Variants in DCC observed in about 807,000 individuals in gnomAD.
DCC encodes netrin receptor DCC.
DCC carries 58 observed loss-of-function variants against 172.5 expected under a neutral mutation model. The ratio of observed to expected loss-of-function variants is 0.34; its 90% CI spans 0.27 to 0.42. The LOEUF is 0.42. DCC is among the 10% of genes least tolerant of loss of function. The pLI is 1.00. For missense variants in DCC, 1,740 were observed against 1,791.0 expected, an observed-to-expected ratio of 0.97 and a Z score of 0.51; for synonymous variants, 709 against 644.5, an observed-to-expected ratio of 1.10 and a Z score of -1.52.
chr18:52,791,370 A>G (rs573064596), intron 2 of DCC, among the ~76,000 whole-genome samples: 5 of 152,218 alleles, frequency 3.3e-5, no homozygotes, highest in African/African-American at 1.2e-4. Context: ...ATCTAGAAAG[A>G]GAAGTGAGAA....
At chr18:52,532,841 G>A (rs1247392105) in intron 1 of DCC, among the ~76,000 whole-genome samples, 5 of 152,000 alleles carry the variant, frequency 3.3e-5, no homozygotes, top group Non-Finnish European at 5.9e-5. Flanking sequence ...CCATTCAGTG[G>A]TTTTTAGTAT....
chr18:53,294,380 T>C (rs1321252994), intron 12 of DCC, among the ~76,000 whole-genome samples: 1 of 152,182 alleles, frequency 6.6e-6, no homozygotes, highest in Non-Finnish European at 1.5e-5. Context: ...AAAAAGACAG[T>C]ATCCAGAGAA....
intron 5 of DCC, among the ~76,000 whole-genome samples, chr18:53,024,350 C>T (rs2041926219): frequency 6.6e-6 from 1 of 152,130 alleles, no homozygotes. Context: ...CAATTCTTCA[C>T]TAAGGACTTT....
rs531179387 is a variant in DCC at position 52,384,333 on chromosome 18, G to T, written c.91+43455G>T. Reference sequence around the variant, plus strand: ...GCAATCCTGGCATGCCTTTGCTAAAGCTCTTTGTGTGAATCATTTTGTTCC... The same window carrying T: ...GCAATCCTGGCATGCCTTTGCTAAATCTCTTTGTGTGAATCATTTTGTTCC... On this transcript the variant is annotated intron_variant, in intron 1 of 28. Coordinates refer to ENST00000442544, the MANE Select transcript of DCC (RefSeq NM_005215.4). 1.8e-4 allele frequency among the ~76,000 whole-genome samples: 28 copies of T among 152,220 alleles called. No homozygotes were observed. The South Asian group carries it at 5.0e-3, about 27-fold the overall frequency.
intron 1 of DCC, among the ~76,000 whole-genome samples, chr18:52,408,684 G>T (rs573164692): frequency 6.6e-6 from 1 of 151,978 alleles, no homozygotes; most frequent in Non-Finnish European, 1.5e-5. Context: ...GAAAACTCTG[G>T]ATTTATTAAG....
intron 1 of DCC, among the ~76,000 whole-genome samples, chr18:52,681,784 T>A (rs1011121100): frequency 6.6e-6 from 1 of 152,090 alleles, no homozygotes; most frequent in Non-Finnish European, 1.5e-5. Flanking sequence ...GCGCAGACAA[T>A]GTGAGGAGAC....
intron 1 of DCC, among the ~76,000 whole-genome samples, chr18:52,415,271 A>G (rs1242464737): frequency 6.6e-6 from 1 of 152,228 alleles, no homozygotes; most frequent in Non-Finnish European, 1.5e-5. Flanking sequence ...CAATTATAAT[A>G]CATGATGGAA....
At chr18:52,557,548 A>G (rs2032943708) in intron 1 of DCC, among the ~76,000 whole-genome samples, 1 of 152,244 alleles carries the variant, frequency 6.6e-6, no homozygotes, top group Non-Finnish European at 1.5e-5. Context: ...TTGATATACT[A>G]CTTTCAAAAT....
chr18:52,935,060 T>C (rs575195973), intron 5 of DCC, among the ~76,000 whole-genome samples: 1 of 152,164 alleles, frequency 6.6e-6, no homozygotes, highest in African/African-American at 2.4e-5. Context: ...ATAGAACAAC[T>C]GCTAAAAAGA....
At chr18:53,221,609 A>G (rs149199642) in intron 12 of DCC, among the ~76,000 whole-genome samples, 3 of 152,134 alleles carry the variant, frequency 2.0e-5, no homozygotes, top group African/African-American at 7.2e-5. Flanking sequence ...AGTTCTACCC[A>G]ATTACAGAAT....
intron 1 of DCC, among the ~76,000 whole-genome samples, chr18:52,484,750 C>G (rs943792300): frequency 6.7e-6 from 1 of 149,972 alleles, no homozygotes; most frequent in Non-Finnish European, 1.5e-5. Flanking sequence ...CACCATGGCA[C>G]AAGAATACCT....
rs150106295 is a variant in DCC at position 53,134,597 on chromosome 18, G to A, written c.1262-22759G>A. On this transcript the variant is annotated intron_variant, in intron 7 of 28. Coordinates refer to ENST00000442544, the MANE Select transcript of DCC (RefSeq NM_005215.4). The stretch of plus-strand genomic sequence containing the variant: ...TATGTACAAATATAGCTTTTACCTA[G>A]CCAGTTGGTAGGTCAAAACCCAATG... Among the ~76,000 whole-genome samples the A allele has an allele frequency of 7.0e-4, 106 of 152,220 alleles. 1 individual carries two copies. The highest frequency in any genetic ancestry group is 2.5e-3 in the African/African-American group (105 of 41,548).
chr18:52,624,812 C>T (rs1274784749), intron 1 of DCC, among the ~76,000 whole-genome samples: 1 of 152,122 alleles, frequency 6.6e-6, no homozygotes, highest in Non-Finnish European at 1.5e-5. Context: ...AGGCAAGACA[C>T]TCGTGGTTTA....
intron 1 of DCC, among the ~76,000 whole-genome samples, chr18:52,624,889 A>G (rs2034545144): frequency 6.6e-6 from 1 of 152,186 alleles, no homozygotes; most frequent in Non-Finnish European, 1.5e-5. Context: ...ATCGTAAGCC[A>G]TTCATAGAGT....
chr18:53,061,953 C>A (rs138998186), intron 5 of DCC, among the ~76,000 whole-genome samples: 3,086 of 152,206 alleles, frequency 0.02, 39 homozygotes, highest in Middle Eastern at 0.031. Context: ...CAGAATGGAA[C>A]TGTTTCCATA....
At chr18:52,863,773 C>T (rs903662732) in intron 2 of DCC, among the ~76,000 whole-genome samples, 1 of 151,932 alleles carries the variant, frequency 6.6e-6, no homozygotes, top group Non-Finnish European at 1.5e-5. Flanking sequence ...TAAGACAAAT[C>T]TAGCCATCAT....
At chr18:53,259,405 G>A (rs1215014423) in intron 12 of DCC, among the ~76,000 whole-genome samples, 1 of 152,158 alleles carries the variant, frequency 6.6e-6, no homozygotes, top group Non-Finnish European at 1.5e-5. Flanking sequence ...GGGCAGGCCT[G>A]GTAGTGACAA....
Position 53,305,641 on chromosome 18 carries a change from A to G in DCC, c.1975A>G (p.Lys659Glu), listed in dbSNP as rs1233183591. The G allele has an allele frequency of 1.2e-6, 2 of 1,613,772 alleles. No homozygotes were observed. The highest frequency in any genetic ancestry group is 2.7e-5 in the African/African-American group (2 of 74,924). ...GTQNGFITGYKIRHRKTTRRG... is the reference protein window; with the variant it reads ...GTQNGFITGYEIRHRKTTRRG... ...ACAAAATGGATTTATTACCGGCTATAAAATTCGACACAGAAAGACGACCCG... is the reference window on the plus strand; with the variant it reads ...ACAAAATGGATTTATTACCGGCTATGAAATTCGACACAGAAAGACGACCCG... The change falls in exon 13 of 29, where the codon AAA becomes GAA. Residue 659 changes from lysine to glutamate, a missense_variant. Physicochemically the swap from Lys to Glu is moderately conservative, Grantham distance 56. Around this residue, in one of 2 missense-constraint regions of DCC, gnomAD observed 1,732 missense variants for 1,767.4 expected, o/e 0.98. Transcript: ENST00000442544.
chr18:53,399,554 C>A (rs529026956), intron 18 of DCC, among the ~76,000 whole-genome samples: 332 of 152,124 alleles, frequency 2.2e-3, no homozygotes, highest in Middle Eastern at 0.01. Flanking sequence ...TTAAATGTTA[C>A]CTTCCATTCA....
Sources: allele counts gnomAD v4.1 joint callset (sites outside exome capture counted in the v4.1 genomes callset), GRCh38; gene constraint gnomAD v4.1.1; regional missense constraint gnomAD v4.1.1; transcripts MANE v1.5; gene names NCBI Gene and HGNC (gene_info 2026-07-23, HGNC 2026-07-21).